The following CALB1 variants were observed in gnomAD, a reference collection of about 807,000 sequenced individuals.
CALB1 encodes the protein calbindin 1, also known as calbindin.
Under a neutral mutation model 46.7 loss-of-function variants are expected in CALB1, and 16 were observed. The ratio of observed to expected loss-of-function variants is 0.34; its 90% CI spans 0.23 to 0.52. CALB1 has a LOEUF of 0.52. Among genes scored for constraint, CALB1 ranks in the 20% least tolerant of loss-of-function variants. CALB1 has a pLI of 0.95. For synonymous variants in CALB1, 90 were observed against 112.8 expected (o/e 0.80, Z 1.28); for missense variants, 224 against 300.3 (o/e 0.75, Z 1.88).
In CALB1 at chr8:90,082,030, C is replaced by G; in HGVS notation, c.152G>C (p.Gly51Ala). The change falls in exon 2 of 11, where the codon GGA becomes GCA. Residue 51 changes from glycine (G) to alanine (A), a missense_variant. Transcript: ENST00000265431. The part of the protein sequence containing the change: ...QELQQARKKA[G>A]LELSPEMKTF... Reference sequence around the variant, plus strand: ...TTTTCGCAAACTTGAACCTACCAATCCAGCCTTCTTTCGCGCCTGCTGGAG... The same window carrying G: ...TTTTCGCAAACTTGAACCTACCAATGCAGCCTTCTTTCGCGCCTGCTGGAG... The G allele has an allele frequency of 6.2e-7, 1 of 1,613,530 alleles. No homozygotes were observed. The highest frequency in any genetic ancestry group is 8.5e-7 in the Non-Finnish European group (1 of 1,179,670).
intron 2 of CALB1, among the ~76,000 whole-genome samples, chr8:90,081,251 G>A (rs963435640): frequency 6.6e-6 from 1 of 152,110 alleles, no homozygotes; most frequent in Non-Finnish European, 1.5e-5. Flanking sequence ...ACCATCAATT[G>A]CTGCCCATCA....
rs375417234 is a variant in CALB1 at position 90,069,150 on chromosome 8, A to G, written c.315+4T>C. On this transcript the variant is annotated splice_donor_region_variant and intron_variant, in intron 4 of 10. Transcript: ENST00000265431. ...GCTTTCTTAAAGGGGCAGCTTTCTT[A>G]TACCTTCATGAATTCCTCACAGGAC... 2.5e-5 allele frequency: 40 copies of G among 1,613,660 alleles called. No individual in the cohort carries two copies. Among genetic ancestry groups the G allele is most frequent in the Non-Finnish European group, 3.4e-5 (40 of 1,179,688 alleles).
chr8:90,070,130 C>T lies in CALB1; in HGVS notation c.232-893G>A, dbSNP rs76867089. Among the ~76,000 whole-genome samples the T allele has an allele frequency of 2.0e-3, 309 of 152,150 alleles. 1 individual carries two copies. The highest frequency in any genetic ancestry group is 6.2e-3 in the African/African-American group (259 of 41,518). ...AATTAGCTGTGGTCCCCAGCAACCC[C>T]GAGCCATTTCTGGACTTCAGTACCC... On this transcript the variant is annotated intron_variant, in intron 3 of 10. Coordinates refer to ENST00000265431, the MANE Select transcript of CALB1 (RefSeq NM_004929.4).
rs753616068 is a variant in CALB1, at chr8:90,082,101, T to G, written c.81A>C (p.Gly27=). 6.2e-7 allele frequency: 1 copy of G among 1,613,704 alleles called. No individual in the cohort carries two copies. Among genetic ancestry groups the G allele is most frequent in the Non-Finnish European group, 8.5e-7 (1 of 1,179,732 alleles). Reference sequence around the variant, plus strand: ...GCTCCTTTCCTTCCAGGTAACCACTTCCTGCAAAGACAAAGAGGCACCCAG... The same window carrying G: ...GCTCCTTTCCTTCCAGGTAACCACTGCCTGCAAAGACAAAGAGGCACCCAG... The part of the protein sequence containing the change: ...FEIWLHFDAD[G]SGYLEGKELQ... The change falls in exon 2 of 11, where the codon GGA becomes GGC. Residue 27 remains glycine (G), a splice_region_variant and synonymous_variant. Coordinates refer to ENST00000265431, the MANE Select transcript of CALB1 (RefSeq NM_004929.4).
Position 90,082,757 on chromosome 8 carries a change from G to T in CALB1, c.-60C>A, listed in dbSNP as rs1586187332. 1 of 1,473,942 alleles carries T rather than the reference G, an allele frequency of 6.8e-7. No individual in the cohort carries two copies. Among genetic ancestry groups the T allele is most frequent in the South Asian group, 1.1e-5 (1 of 88,430 alleles). The allele number at this position is 1,473,942 out of a possible 1,614,324, so 91.3% of individuals were successfully genotyped here. On this transcript the variant is annotated 5_prime_UTR_variant, in exon 1 of 11. Transcript: ENST00000265431. The stretch of plus-strand genomic sequence containing the variant: ...TGCGTGTGTCTGTGTCCGCGCGAGG[G>T]GGAGTGAGCAAAAGCTCAGCGTGTG...
At chr8:90,067,651 G>T (rs1814425604) in intron 5 of CALB1, among the ~76,000 whole-genome samples, 1 of 152,092 alleles carries the variant, frequency 6.6e-6, no homozygotes, top group South Asian at 2.1e-4. Flanking sequence ...AAAATTGTAT[G>T]CTACTCAAAC....
chr8:90,070,865 T>A (rs62531994), intron 3 of CALB1, among the ~76,000 whole-genome samples: 21 of 94,138 alleles, frequency 2.2e-4, no homozygotes, highest in Non-Finnish European at 3.7e-4. Context: ...TGTGTGTGTG[T>A]GTGTGTGTGT....
At position 90,082,112 on chromosome 8, in the gene CALB1, C is replaced by A; in HGVS notation, c.80-10G>T. On this transcript the variant is annotated splice_polypyrimidine_tract_variant and intron_variant, in intron 1 of 10. Transcript: ENST00000265431. ...TCCAGGTAACCACTTCCTGCAAAGA[C>A]AAAGAGGCACCCAGGTGTCAGATAT... 1 of 1,610,730 alleles carries A rather than the reference C, an allele frequency of 6.2e-7. No individual in the cohort carries two copies. The highest frequency in any genetic ancestry group is 8.5e-7 in the Non-Finnish European group (1 of 1,177,306).
In CALB1 at chr8:90,082,775, A is replaced by G. The variant is rs1814756741; in HGVS notation, c.-78T>C. 7.2e-7 allele frequency: 1 copy of G among 1,398,146 alleles called. No individual in the cohort carries two copies. Among genetic ancestry groups the G allele is most frequent in the Admixed American group, 1.7e-5 (1 of 59,666 alleles). 86.6% of individuals were successfully genotyped at this position (1,398,146 alleles called of 1,614,324 possible). ...CGCGAGGGGGAGTGAGCAAAAGCTC[A>G]GCGTGTGCGCGAGTCAGGGCTGCGG... On this transcript the variant is annotated 5_prime_UTR_variant, in exon 1 of 11. Coordinates refer to ENST00000265431, the MANE Select transcript of CALB1 (RefSeq NM_004929.4).
At chr8:90,065,311 T>C (rs968384946) in intron 6 of CALB1, among the ~76,000 whole-genome samples, 2 of 151,764 alleles carry the variant, frequency 1.3e-5, no homozygotes, top group African/African-American at 4.8e-5. Context: ...ATAATTGATC[T>C]TAGTTGTCAC....
chr8:90,073,140 G>T (rs1370452447), intron 3 of CALB1, among the ~76,000 whole-genome samples: 2 of 152,260 alleles, frequency 1.3e-5, no homozygotes, highest in Middle Eastern at 6.8e-3. Context: ...ATATATAAAG[G>T]TAATTAACTA....
intron 6 of CALB1, among the ~76,000 whole-genome samples, chr8:90,065,315 T>C (rs1814372984): frequency 6.6e-6 from 1 of 151,658 alleles, no homozygotes; most frequent in African/African-American, 2.4e-5. Context: ...TTGATCTTAG[T>C]TGTCACTATT....
At chr8:90,075,159 T>TTTG (rs1814602508) in intron 3 of CALB1, among the ~76,000 whole-genome samples, 1 of 152,206 alleles carries the variant, frequency 6.6e-6, no homozygotes, top group Non-Finnish European at 1.5e-5. Flanking sequence ...AAGAAACATA[T>TTTG]TTGTTTCTAG....
intron 6 of CALB1, 51 bp from the exon 7 acceptor site, chr8:90,063,512 A>C: frequency 7.0e-7 from 1 of 1,435,476 alleles, no homozygotes; most frequent in Non-Finnish European, 9.8e-7. Flanking sequence ...AATTTATTGC[A>C]TGAAGGAGAT....
At position 90,082,794 on chromosome 8, in the gene CALB1, G is replaced by A; in HGVS notation, c.-97C>T. On this transcript the variant is annotated 5_prime_UTR_variant, in exon 1 of 11. Coordinates refer to ENST00000265431, the MANE Select transcript of CALB1 (RefSeq NM_004929.4). ...AAGCTCAGCGTGTGCGCGAGTCAGG[G>A]CTGCGGAGGGAGACCTGGGCGCGGG... is the stretch of plus-strand genomic sequence containing the variant. The A allele has an allele frequency of 5.0e-6, 6 of 1,202,086 alleles. No individual in the cohort carries two copies. Among genetic ancestry groups the A allele is most frequent in the Non-Finnish European group, 7.4e-6 (6 of 807,534 alleles). 74.5% of individuals were successfully genotyped at this position (1,202,086 alleles called of 1,614,324 possible).
intron 6 of CALB1, 34 bp downstream of exon 6, chr8:90,065,864 C>T: frequency 7.3e-7 from 1 of 1,364,364 alleles, no homozygotes; most frequent in South Asian, 1.2e-5. Flanking sequence ...ACTTCATGAG[C>T]TCTTGGGTAC....
chr8:90,069,121 AGCAGCTTTCTTAAAGGG>A lies in CALB1; in HGVS notation c.315+16_315+32del, dbSNP rs781141791. 1 of 1,611,830 alleles carries A rather than the reference AGCAGCTTTCTTAAAGGG, an allele frequency of 6.2e-7. No homozygotes were observed. Among genetic ancestry groups the A allele is most frequent in the Admixed American group, 1.7e-5 (1 of 59,968 alleles). On this transcript the variant is annotated intron_variant, in intron 4 of 10. Transcript: ENST00000265431. ...TAAAAGGAACAATTTTCCTACTTTAAGCAGCTTTCTTAAAGGGGCAGCTTTCTTATACCTTCATGAAT... is the reference window on the plus strand; with the variant it reads ...TAAAAGGAACAATTTTCCTACTTTAAGCAGCTTTCTTATACCTTCATGAAT...
chr8:90,082,526 G>T, intron 1 of CALB1, 93 bp downstream of exon 1: 1 of 985,512 alleles, frequency 1.0e-6, no homozygotes, highest in Non-Finnish European at 1.6e-6. Context: ...ATAGAAAGGA[G>T]GGATAATGGG....
chr8:90,075,494 T>TAG (rs1814607529), intron 3 of CALB1, among the ~76,000 whole-genome samples: 2 of 152,186 alleles, frequency 1.3e-5, no homozygotes, highest in African/African-American at 4.8e-5. Context: ...GATTTTGCAT[T>TAG]CCTTTATAGC....
Sources: allele counts gnomAD v4.1 joint callset (sites outside exome capture counted in the v4.1 genomes callset), GRCh38; gene constraint gnomAD v4.1.1; transcripts MANE v1.5; gene names NCBI Gene and HGNC (gene_info 2026-07-23, HGNC 2026-07-21).